TMEM132B: variants seen among roughly 807,000 people sequenced by gnomAD.
TMEM132B encodes transmembrane protein 132B.
In TMEM132B, 18 loss-of-function variants were observed where a neutral mutation model predicts 90.8. The observed-to-expected ratio is 0.20, with a 90% CI of 0.14 to 0.29. TMEM132B has a LOEUF of 0.29. Ranked by LOEUF, TMEM132B falls within the 10% of genes least tolerant of loss-of-function variation. TMEM132B has a pLI of 1.00. For synonymous variants in TMEM132B, 504 were observed against 523.3 expected (o/e 0.96, Z 0.50); for missense variants, 1,096 against 1,326.8 (o/e 0.83, Z 2.70).
rs528475254 is a variant in TMEM132B at position 125,530,699 on chromosome 12, A to G, written c.1293+11074A>G. On this transcript the variant is annotated intron_variant, in intron 4 of 8. Coordinates refer to ENST00000682704, the MANE Select transcript of TMEM132B (RefSeq NM_001366854.1). ...TCCAGGCGTTCCTTAGCCTGTGGCC[A>G]CCTTGCCCTCATCTCTCCCTTTGTC... Among the ~76,000 whole-genome samples the G allele has an allele frequency of 7.2e-5, 11 of 152,184 alleles. No individual in the cohort carries two copies. The South Asian group carries it at 2.1e-3, about 29-fold the overall frequency.
chr12:125,476,884 G>A (rs900480477), intron 3 of TMEM132B, among the ~76,000 whole-genome samples: 3 of 152,078 alleles, frequency 2.0e-5, no homozygotes, highest in African/African-American at 4.8e-5. Flanking sequence ...TGTGGGAGAC[G>A]GGAATGGAAT....
chr12:125,589,636 T>G (rs572769271), intron 5 of TMEM132B, among the ~76,000 whole-genome samples: 1 of 152,150 alleles, frequency 6.6e-6, no homozygotes, highest in East Asian at 1.9e-4. Context: ...TACAGCCATA[T>G]CAGAAGATGA....
intron 2 of TMEM132B, among the ~76,000 whole-genome samples, chr12:125,400,646 A>G (rs1390349289): frequency 1.3e-5 from 2 of 152,194 alleles, no homozygotes; most frequent in African/African-American, 4.8e-5. Context: ...CTCTCAGCAG[A>G]GTCTGACGTT....
chr12:125,479,528 A>G lies in TMEM132B; in HGVS notation c.1107-39911A>G, dbSNP rs193100163. 2.3e-3 allele frequency among the ~76,000 whole-genome samples: 345 copies of G among 152,348 alleles called. 1 individual carries two copies. Among genetic ancestry groups the G allele is most frequent in the Non-Finnish European group, 3.2e-3 (219 of 68,036 alleles). The stretch of plus-strand genomic sequence containing the variant: ...AAGAGACAAAGAAGGCTATTACATA[A>G]TGGTAAAGGGAACAATTCAACAAGA... On this transcript the variant is annotated intron_variant, in intron 3 of 8. Coordinates refer to ENST00000682704, the MANE Select transcript of TMEM132B (RefSeq NM_001366854.1).
At chr12:125,219,356 G>A (rs953351193) in intron 1 of TMEM132B, among the ~76,000 whole-genome samples, 11 of 152,224 alleles carry the variant, frequency 7.2e-5, no homozygotes, top group African/African-American at 2.7e-4. Flanking sequence ...TGACTAGGAA[G>A]TCGTATCTCA....
intron 4 of TMEM132B, among the ~76,000 whole-genome samples, chr12:125,570,066 A>G (rs1340344019): frequency 1.3e-5 from 2 of 152,050 alleles, no homozygotes; most frequent in Non-Finnish European, 2.9e-5. Context: ...TCACTATTGA[A>G]TGGTTTTACC....
At chr12:125,229,163 C>T (rs978514496) in intron 1 of TMEM132B, among the ~76,000 whole-genome samples, 23 of 152,186 alleles carry the variant, frequency 1.5e-4, no homozygotes, top group South Asian at 6.2e-4. Flanking sequence ...AAGTAAATAA[C>T]GCATGTCCTT....
At chr12:125,250,609 G>T (rs1354212501) in intron 1 of TMEM132B, among the ~76,000 whole-genome samples, 3 of 152,202 alleles carry the variant, frequency 2.0e-5, no homozygotes, top group Admixed American at 2.0e-4. Flanking sequence ...CACTTAGTGT[G>T]CTCCAAGAGG....
chr12:125,456,542 C>T (rs1229457392), intron 3 of TMEM132B, among the ~76,000 whole-genome samples: 1 of 152,196 alleles, frequency 6.6e-6, no homozygotes, highest in Non-Finnish European at 1.5e-5. Context: ...TGGGGCTTTG[C>T]CTGCTGAGGA....
chr12:125,359,490 AG>A (rs886091241), intron 2 of TMEM132B, among the ~76,000 whole-genome samples: 3 of 152,178 alleles, frequency 2.0e-5, no homozygotes, highest in Non-Finnish European at 4.4e-5. Context: ...GTAAAAAAAA[AG>A]ATATGATCCA....
At chr12:125,556,776 A>C (rs1256822704) in intron 4 of TMEM132B, among the ~76,000 whole-genome samples, 1 of 152,014 alleles carries the variant, frequency 6.6e-6, no homozygotes, top group Non-Finnish European at 1.5e-5. Flanking sequence ...TTTTTTTGAG[A>C]CACAGTCTCG....
intron 1 of TMEM132B, among the ~76,000 whole-genome samples, chr12:125,202,764 C>A (rs542253438): frequency 1.3e-5 from 2 of 152,272 alleles, no homozygotes; most frequent in African/African-American, 4.8e-5. Flanking sequence ...GTCCTAGAAG[C>A]TATCTACCAT....
Position 125,654,893 on chromosome 12 carries a change from A to G in TMEM132B, c.*183A>G, listed in dbSNP as rs1887023002. 2.9e-6 allele frequency: 2 copies of G among 685,890 alleles called. No homozygotes were observed. The highest frequency in any genetic ancestry group is 4.7e-6 in the Non-Finnish European group (2 of 425,490). 42.5% of individuals were successfully genotyped at this position (685,890 alleles called of 1,614,324 possible). A position where few individuals can be genotyped will look rare whatever the true frequency, so the allele number is the denominator to read the frequency against. On this transcript the variant is annotated 3_prime_UTR_variant, in exon 9 of 9. Transcript: ENST00000682704. The surrounding 1 kb of genome is among the most constrained non-coding windows in gnomAD (Gnocchi z 5.8). ...TAGAAGCTGGGTTTTAAGTTTGGAA[A>G]TGCCTCTAAAACAGCCACATGTGGG...
chr12:125,273,386 A>C (rs550151848), intron 1 of TMEM132B, among the ~76,000 whole-genome samples: 1 of 152,282 alleles, frequency 6.6e-6, no homozygotes, highest in East Asian at 1.9e-4. Context: ...CAGGAGTTCA[A>C]GACCAACCCG....
intron 3 of TMEM132B, among the ~76,000 whole-genome samples, chr12:125,421,788 T>C (rs1167858645): frequency 6.6e-6 from 1 of 152,260 alleles, no homozygotes; most frequent in Non-Finnish European, 1.5e-5. Flanking sequence ...AAAACAATGT[T>C]GACATAAGAC....
At chr12:125,591,992 C>T (rs1885328662) in intron 5 of TMEM132B, among the ~76,000 whole-genome samples, 1 of 152,104 alleles carries the variant, frequency 6.6e-6, no homozygotes, top group African/African-American at 2.4e-5. Flanking sequence ...CAATTCAACC[C>T]ACCCTACTGT....
intron 3 of TMEM132B, among the ~76,000 whole-genome samples, chr12:125,457,988 A>G (rs1286120012): frequency 1.3e-5 from 2 of 152,154 alleles, no homozygotes; most frequent in Non-Finnish European, 2.9e-5. Flanking sequence ...AGGATTAAAC[A>G]GAGCTGTATC....
At chr12:125,632,603 T>C (rs1353654919) in intron 5 of TMEM132B, among the ~76,000 whole-genome samples, 1 of 152,184 alleles carries the variant, frequency 6.6e-6, no homozygotes, top group Non-Finnish European at 1.5e-5. Context: ...CAGCTTTTGC[T>C]TGTCTGGGAA....
In TMEM132B at chr12:125,246,028, C is replaced by T. The variant is rs992107698; in HGVS notation, c.67+59162C>T. On this transcript the variant is annotated intron_variant, in intron 1 of 8. Coordinates refer to ENST00000682704, the MANE Select transcript of TMEM132B (RefSeq NM_001366854.1). This position sits in a 1 kb window ranked among gnomAD's most constrained non-coding sequence, Gnocchi z 4.2. ...CCATTTTAACACAAAACGGGACCCT[C>T]GTGTGCTTCTTCCACTGGAAGGATG... Among the ~76,000 whole-genome samples, 3 of 152,206 alleles carry T rather than the reference C, an allele frequency of 2.0e-5. No individual in the cohort carries two copies. Among genetic ancestry groups the T allele is most frequent in the Middle Eastern group, 3.2e-3 (1 of 316 alleles).
Sources: gnomAD v4.1 joint callset for allele counts (sites outside exome capture counted in the v4.1 genomes callset) on GRCh38, gnomAD v4.1.1 for gene constraint, Gnocchi (gnomAD v3.1) non-coding constraint, MANE v1.5 for transcripts, NCBI Gene and HGNC (gene_info 2026-07-23, HGNC 2026-07-21) for gene names.